Variants in FOCAD observed in about 807,000 individuals in gnomAD.
The protein encoded by FOCAD is KIAA1797.
Under a neutral mutation model 225.6 loss-of-function variants are expected in FOCAD, and 198 were observed. That is an observed-to-expected ratio of 0.88 (90% CI 0.78 to 0.99). FOCAD has a LOEUF of 0.99. Among genes scored for constraint, FOCAD ranks in the 50% least tolerant of loss-of-function variants. The pLI is 0.00. For missense variants in FOCAD, 2,713 were observed against 2,123.6 expected (o/e 1.28, Z -5.46); for synonymous variants, 897 against 755.0 (o/e 1.19, Z -3.08).
At chr9:20,813,754 G>A (rs1823341959) in intron 11 of FOCAD, among the ~76,000 whole-genome samples, 1 of 152,172 alleles carries the variant, frequency 6.6e-6, no homozygotes, top group African/African-American at 2.4e-5. Flanking sequence ...TTGGTCTACA[G>A]TGTTGTTGAA....
At chr9:20,911,126 T>C (rs938727795) in intron 22 of FOCAD, among the ~76,000 whole-genome samples, 4 of 152,122 alleles carry the variant, frequency 2.6e-5, no homozygotes, top group South Asian at 2.1e-4. Context: ...AATTGTTTTA[T>C]ACTTTGTTTT....
At chr9:20,966,343 T>C (rs1347442379) in intron 35 of FOCAD, among the ~76,000 whole-genome samples, 1 of 152,112 alleles carries the variant, frequency 6.6e-6, no homozygotes, top group Non-Finnish European at 1.5e-5. Flanking sequence ...TGGAGAATTA[T>C]CTGTTCAAGT....
At chr9:20,802,287 A>C (rs1477776889) in intron 11 of FOCAD, among the ~76,000 whole-genome samples, 1 of 152,156 alleles carries the variant, frequency 6.6e-6, no homozygotes, top group Non-Finnish European at 1.5e-5. Flanking sequence ...GAAAACAAGC[A>C]TGTAAATATA....
chr9:20,698,905 G>A (rs1823606814), intron 1 of FOCAD, among the ~76,000 whole-genome samples: 1 of 152,060 alleles, frequency 6.6e-6, no homozygotes, highest in African/African-American at 2.4e-5. Context: ...TTTTAAAATG[G>A]GAGCTGAATA....
chr9:20,780,039 G>A (rs1819214558), intron 9 of FOCAD, among the ~76,000 whole-genome samples: 1 of 152,156 alleles, frequency 6.6e-6, no homozygotes, highest in African/African-American at 2.4e-5. Context: ...ACCCGTGCTG[G>A]TACTTCTGAC....
At chr9:20,787,469 T>C (rs968936128) in intron 10 of FOCAD, among the ~76,000 whole-genome samples, 5 of 152,184 alleles carry the variant, frequency 3.3e-5, no homozygotes, top group Non-Finnish European at 5.9e-5. Context: ...CCTTTAAATT[T>C]TATGGTGTTT....
At chr9:20,834,273 G>A (rs766786937) in intron 15 of FOCAD, among the ~76,000 whole-genome samples, 1 of 151,928 alleles carries the variant, frequency 6.6e-6, no homozygotes, top group Non-Finnish European at 1.5e-5. Flanking sequence ...CACACAGAGG[G>A]GAACAACACA....
chr9:20,729,749 T>C (rs1416894852), intron 4 of FOCAD, among the ~76,000 whole-genome samples: 1 of 152,176 alleles, frequency 6.6e-6, no homozygotes, highest in African/African-American at 2.4e-5. Flanking sequence ...AATAGGTATT[T>C]CTCAGCCTTT....
At chr9:20,904,874 A>G (rs1490668556) in intron 21 of FOCAD, among the ~76,000 whole-genome samples, 1 of 152,012 alleles carries the variant, frequency 6.6e-6, no homozygotes, top group Non-Finnish European at 1.5e-5. Flanking sequence ...TATAAATGCT[A>G]ATTGAATTTA....
At chr9:20,662,498 C>T (rs1455551625) in intron 2 of FOCAD, among the ~76,000 whole-genome samples, 2 of 152,202 alleles carry the variant, frequency 1.3e-5, no homozygotes, top group Non-Finnish European at 2.9e-5. Context: ...CTCCTAAGCT[C>T]CCAGCCAGGG....
chr9:20,783,509 G>A (rs909201409), intron 10 of FOCAD, among the ~76,000 whole-genome samples: 1 of 151,724 alleles, frequency 6.6e-6, no homozygotes, highest in African/African-American at 2.4e-5. Context: ...TATGTCAGCT[G>A]CCTGAACTAT....
intron 1 of FOCAD, among the ~76,000 whole-genome samples, chr9:20,708,765 G>C (rs1168452050): frequency 1.7e-5 from 1 of 59,160 alleles, no homozygotes; most frequent in Non-Finnish European, 3.7e-5. Context: ...GACAGAGTGA[G>C]AGACCCTGTC....
chr9:20,762,897 C>T (rs1829738677), intron 6 of FOCAD, among the ~76,000 whole-genome samples: 2 of 152,132 alleles, frequency 1.3e-5, no homozygotes, highest in Non-Finnish European at 2.9e-5. Flanking sequence ...GGTTTAGCTC[C>T]CACTCTTAAA....
chr9:20,864,543 A>T (rs1265204852), intron 16 of FOCAD, among the ~76,000 whole-genome samples: 1 of 152,010 alleles, frequency 6.6e-6, no homozygotes, highest in East Asian at 1.9e-4. Flanking sequence ...CCATCCTTTG[A>T]GAGTTTGTCT....
chr9:20,929,341 T>C lies in FOCAD; in HGVS notation c.3079-17T>C, dbSNP rs1470176229. 3.1e-6 allele frequency: 5 copies of C among 1,605,882 alleles called. No homozygotes were observed. The highest frequency in any genetic ancestry group is 4.3e-6 in the Non-Finnish European group (5 of 1,172,960). ...TGTTTAAGGCTAACCCTGTTTTCTT[T>C]CTTTGGCATGTCCTAGAAGTCCTAT... On this transcript the variant is annotated splice_polypyrimidine_tract_variant and intron_variant, in intron 26 of 43. Transcript: ENST00000338382.
chr9:20,789,678 C>A (rs543327933), intron 11 of FOCAD, 70 bp downstream of exon 11: 1 of 1,548,562 alleles, frequency 6.5e-7, no homozygotes, highest in Non-Finnish European at 8.8e-7. Context: ...ATTATTCCTG[C>A]TTTGTGGATT....
At chr9:20,699,503 A>G (rs562647951) in intron 1 of FOCAD, among the ~76,000 whole-genome samples, 1 of 151,696 alleles carries the variant, frequency 6.6e-6, no homozygotes, top group South Asian at 2.1e-4. Flanking sequence ...GCACTTTGGG[A>G]GGCCCAGGTG....
At chr9:20,785,403 C>A (rs10123723) in intron 10 of FOCAD, among the ~76,000 whole-genome samples, 14 of 152,062 alleles carry the variant, frequency 9.2e-5, no homozygotes, top group African/African-American at 3.1e-4. Context: ...CTAATTCCCC[C>A]CTTTTTTCCT....
intron 15 of FOCAD, among the ~76,000 whole-genome samples, chr9:20,858,445 T>C (rs993532410): frequency 6.6e-6 from 1 of 152,160 alleles, no homozygotes; most frequent in Non-Finnish European, 1.5e-5. Flanking sequence ...GAATGTTTTT[T>C]GTAATGTCCC....
Sources: allele counts gnomAD v4.1 joint callset (sites outside exome capture counted in the v4.1 genomes callset), GRCh38; gene constraint gnomAD v4.1.1; transcripts MANE v1.5; gene names NCBI Gene and HGNC (gene_info 2026-07-23, HGNC 2026-07-21).